The following XKR6 variants were observed in gnomAD, a reference collection of about 807,000 sequenced individuals.
XKR6 encodes XK related 6.
A neutral mutation model predicts 56.7 loss-of-function variants in XKR6; 22 were observed. The ratio of observed to expected loss-of-function variants is 0.39; its 90% confidence interval spans 0.28 to 0.55. The LOEUF (loss-of-function observed/expected upper bound fraction) is 0.55. XKR6 is among the 20% of genes least tolerant of loss of function. The pLI is 0.66. For synonymous variants in XKR6, 524 were observed against 387.8 expected (o/e 1.35, Z -4.13); for missense variants, 852 against 889.0 (o/e 0.96, Z 0.53).
At chr8:10,967,968 A>G (rs1312475433) in intron 1 of XKR6, among the ~76,000 whole-genome samples, 1 of 152,156 alleles carries the variant, frequency 6.6e-6, no homozygotes, top group Admixed American at 6.5e-5. Flanking sequence ...CAGAGCCCAG[A>G]TGGATACCTC....
intron 1 of XKR6, among the ~76,000 whole-genome samples, chr8:11,130,806 G>A (rs148644849): frequency 2.2e-3 from 332 of 152,034 alleles, no homozygotes; most frequent in African/African-American, 7.7e-3. Context: ...CCACATATGT[G>A]CACACCTCCC....
intron 1 of XKR6, chr8:11,123,738 C>T (rs1799598248): frequency 2.4e-6 from 1 of 417,936 alleles, no homozygotes; most frequent in Non-Finnish European, 4.9e-6. Flanking sequence ...CCAATATGCA[C>T]CCCTACCCCG....
chr8:10,930,808 A>G (rs1166359654), intron 1 of XKR6, among the ~76,000 whole-genome samples: 1 of 152,150 alleles, frequency 6.6e-6, no homozygotes, highest in Non-Finnish European at 1.5e-5. Flanking sequence ...ATTTATGGAA[A>G]CTCCCAGTTA....
chr8:11,074,736 G>T (rs1231828916), intron 1 of XKR6, among the ~76,000 whole-genome samples: 1 of 152,204 alleles, frequency 6.6e-6, no homozygotes, highest in Non-Finnish European at 1.5e-5. Context: ...CAGTGAGGTG[G>T]GCCCAGGTGC....
intron 1 of XKR6, among the ~76,000 whole-genome samples, chr8:11,075,608 G>A (rs1800253483): frequency 6.6e-6 from 1 of 152,196 alleles, no homozygotes; most frequent in Non-Finnish European, 1.5e-5. Flanking sequence ...AACTTGGCCA[G>A]GCTCGGTAGC....
intron 1 of XKR6, among the ~76,000 whole-genome samples, chr8:11,162,393 T>C (rs761256952): frequency 1.3e-5 from 2 of 152,176 alleles, no homozygotes; most frequent in African/African-American, 4.8e-5. Flanking sequence ...CAAATGGTGA[T>C]ATCAGATTCA....
intron 1 of XKR6, among the ~76,000 whole-genome samples, chr8:11,163,194 C>T (rs984628436): frequency 1.3e-5 from 2 of 152,070 alleles, no homozygotes; most frequent in Admixed American, 6.5e-5. Context: ...AATATTAAAC[C>T]ATGCTCTGTG....
intron 1 of XKR6, among the ~76,000 whole-genome samples, chr8:10,981,980 A>G (rs1285580776): frequency 6.6e-6 from 1 of 152,366 alleles, no homozygotes; most frequent in East Asian, 1.9e-4. Flanking sequence ...CCTATATAAA[A>G]CAAGGCTCAT....
intron 1 of XKR6, among the ~76,000 whole-genome samples, chr8:11,065,968 C>T (rs946590246): frequency 6.6e-6 from 1 of 152,226 alleles, no homozygotes; most frequent in African/African-American, 2.4e-5. Flanking sequence ...TTCAGTTTAG[C>T]CAGCTATAAA....
chr8:10,932,120 T>C (rs983176300), intron 1 of XKR6, among the ~76,000 whole-genome samples: 7 of 152,192 alleles, frequency 4.6e-5, no homozygotes, highest in East Asian at 1.9e-4. Flanking sequence ...AATAGGGAAA[T>C]GTATATTAAA....
At chr8:10,960,866 G>A (rs1031181822) in intron 1 of XKR6, among the ~76,000 whole-genome samples, 1 of 152,202 alleles carries the variant, frequency 6.6e-6, no homozygotes, top group African/African-American at 2.4e-5. Flanking sequence ...TTGCATTCCA[G>A]TGGGGACTGA....
intron 2 of XKR6, among the ~76,000 whole-genome samples, chr8:10,917,245 T>C (rs1359305095): frequency 1.3e-5 from 2 of 152,166 alleles, no homozygotes; most frequent in African/African-American, 4.8e-5. Context: ...GCTTTTCTAA[T>C]TACCCTCCTT....
At chr8:11,048,372 T>C (rs777799081) in intron 1 of XKR6, among the ~76,000 whole-genome samples, 4 of 152,210 alleles carry the variant, frequency 2.6e-5, no homozygotes, top group Admixed American at 6.5e-5. Context: ...TACTGCTTTC[T>C]GGAGGCCTTG....
At chr8:11,009,596 A>C (rs1798454796) in intron 1 of XKR6, among the ~76,000 whole-genome samples, 1 of 152,178 alleles carries the variant, frequency 6.6e-6, no homozygotes, top group Non-Finnish European at 1.5e-5. Flanking sequence ...TGGGTTCAAA[A>C]CTGGTCCCAG....
intron 2 of XKR6, among the ~76,000 whole-genome samples, chr8:10,905,058 C>T (rs1800148547): frequency 6.6e-6 from 1 of 152,222 alleles, no homozygotes; most frequent in Non-Finnish European, 1.5e-5. Flanking sequence ...TCCTCCCCAG[C>T]TCCTTCTTCC....
In XKR6 at chr8:10,988,025, GAAAAACA is replaced by G. The variant is rs1044344501; in HGVS notation, c.765-63202_765-63196del. The stretch of plus-strand genomic sequence containing the variant: ...CAGGGCTGTCCCCTTGTTTTCCACT[GAAAAACA>G]AAAAACAAAAAACATTATTTAAATC... On this transcript the variant is annotated intron_variant, in intron 1 of 2. Transcript: ENST00000416569. Among the ~76,000 whole-genome samples, 8 of 152,004 alleles carry G rather than the reference GAAAAACA, an allele frequency of 5.3e-5. No homozygotes were observed. In the East Asian group the frequency reaches 5.8e-4, roughly 11 times the overall value.
chr8:11,034,455 T>C (rs571588729), intron 1 of XKR6, among the ~76,000 whole-genome samples: 3 of 152,172 alleles, frequency 2.0e-5, no homozygotes, highest in African/African-American at 7.2e-5. Context: ...CCAGGTGAAA[T>C]GTACCACATG....
chr8:10,924,788 C>G lies in XKR6; in HGVS notation c.807G>C (p.Arg269=). 2 of 1,614,040 alleles carry G rather than the reference C, an allele frequency of 1.2e-6. No individual in the cohort carries two copies. Among genetic ancestry groups the G allele is most frequent in the Non-Finnish European group, 1.7e-6 (2 of 1,179,976 alleles). ...TMYLGIQSQR[R]KEHQRRFYWA... is the part of the protein sequence containing the mutation. ...AGTAGAAGCGTCGCTGGTGTTCCTTCCGCCGCTGGCTCTGAATCCCCAGGT... is the reference window on the plus strand; with the variant it reads ...AGTAGAAGCGTCGCTGGTGTTCCTTGCGCCGCTGGCTCTGAATCCCCAGGT... Residue 269 remains arginine, a synonymous_variant, in exon 2 of 3, where the codon CGG becomes CGC. Transcript: ENST00000416569.
chr8:11,006,700 G>A (rs955713086), intron 1 of XKR6, among the ~76,000 whole-genome samples: 5 of 152,166 alleles, frequency 3.3e-5, no homozygotes, highest in African/African-American at 1.2e-4. Context: ...GACCCAGAGA[G>A]CTAAGTGGGC....
Sources: allele counts gnomAD v4.1 joint callset (sites outside exome capture counted in the v4.1 genomes callset), GRCh38; gene constraint gnomAD v4.1.1; transcripts MANE v1.5; gene names NCBI Gene and HGNC (gene_info 2026-07-23, HGNC 2026-07-21).